CEP112: variants seen among roughly 807,000 people sequenced by gnomAD.
The protein encoded by CEP112 is centrosomal protein of 112 kDa.
CEP112 carries 127 observed loss-of-function variants against 153.0 expected under a neutral mutation model. The observed-to-expected ratio is 0.83, with a 90% CI of 0.72 to 0.96. The LOEUF is 0.96. CEP112 is among the 40% of genes least tolerant of loss of function. The pLI, the probability that CEP112 is intolerant of heterozygous loss-of-function variation, is 0.00. For synonymous variants in CEP112, 358 were observed against 374.4 expected (o/e 0.96, Z 0.51); for missense variants, 1,089 against 1,101.2 (o/e 0.99, Z 0.16).
At chr17:66,148,671 T>C (rs778373773) in intron 4 of CEP112, among the ~76,000 whole-genome samples, 6 of 152,182 alleles carry the variant, frequency 3.9e-5, no homozygotes, top group Admixed American at 6.5e-5. Flanking sequence ...ATTGTTAGCA[T>C]ATAAAAATTT....
At chr17:66,015,052 T>C (rs1205019338) in intron 16 of CEP112, among the ~76,000 whole-genome samples, 1 of 152,208 alleles carries the variant, frequency 6.6e-6, no homozygotes, top group African/African-American at 2.4e-5. Flanking sequence ...TGGAAACAGA[T>C]TTTAATTACA....
chr17:65,971,677 A>G (rs958846061), intron 17 of CEP112, among the ~76,000 whole-genome samples: 22 of 152,226 alleles, frequency 1.4e-4, no homozygotes, highest in African/African-American at 4.3e-4. Context: ...TGTTACATGC[A>G]TATTACATGC....
intron 24 of CEP112, among the ~76,000 whole-genome samples, chr17:65,663,386 A>G (rs1176200226): frequency 6.6e-6 from 1 of 152,220 alleles, no homozygotes; most frequent in East Asian, 1.9e-4. Flanking sequence ...GAGAACTTTC[A>G]GGAGACTTGC....
intron 23 of CEP112, among the ~76,000 whole-genome samples, chr17:65,710,371 T>C (rs1012201234): frequency 6.6e-6 from 1 of 152,230 alleles, no homozygotes; most frequent in Middle Eastern, 3.2e-3. Flanking sequence ...TATTTTCATA[T>C]CTTTTTTTCT....
At chr17:65,994,314 A>G (rs2063705424) in intron 17 of CEP112, among the ~76,000 whole-genome samples, 1 of 152,130 alleles carries the variant, frequency 6.6e-6, no homozygotes, top group African/African-American at 2.4e-5. Flanking sequence ...GGACCTCAAA[A>G]CATCATTTGG....
chr17:65,710,741 C>T (rs972774521), intron 23 of CEP112, among the ~76,000 whole-genome samples: 1 of 152,288 alleles, frequency 6.6e-6, no homozygotes, highest in Middle Eastern at 3.4e-3. Flanking sequence ...CTGGATGTCA[C>T]AGTGGGAGGT....
At chr17:65,713,032 C>T (rs750997397) in intron 23 of CEP112, among the ~76,000 whole-genome samples, 1 of 152,222 alleles carries the variant, frequency 6.6e-6, no homozygotes, top group African/African-American at 2.4e-5. Flanking sequence ...AAGTATAGCA[C>T]ACTGACAACT....
intron 12 of CEP112, among the ~76,000 whole-genome samples, chr17:66,051,412 CTTAA>C: frequency 6.7e-6 from 1 of 148,606 alleles, no homozygotes; most frequent in Non-Finnish European, 1.5e-5. Context: ...ATATTATATA[CTTAA>C]TTTATGTATA....
chr17:66,010,186 G>C (rs2064456872), intron 16 of CEP112, among the ~76,000 whole-genome samples: 1 of 152,064 alleles, frequency 6.6e-6, no homozygotes. Flanking sequence ...TCTCTGGTTA[G>C]GTGTATTCCT....
At chr17:65,645,031 T>TCA (rs2045358886) in intron 24 of CEP112, among the ~76,000 whole-genome samples, 1 of 152,118 alleles carries the variant, frequency 6.6e-6, no homozygotes, top group African/African-American at 2.4e-5. Flanking sequence ...TCCTGAGACA[T>TCA]TGTGTGCCCT....
intron 10 of CEP112, among the ~76,000 whole-genome samples, chr17:66,064,133 T>C (rs2067025717): frequency 6.6e-6 from 1 of 152,222 alleles, no homozygotes; most frequent in South Asian, 2.1e-4. Context: ...ATTATAGTGA[T>C]TTACTTGCCT....
chr17:65,887,548 T>C lies in CEP112; in HGVS notation c.2163+14604A>G, dbSNP rs2059324182. 2.0e-5 allele frequency among the ~76,000 whole-genome samples: 3 copies of C among 152,200 alleles called. 1 individual carries two copies. In the South Asian group the frequency reaches 6.2e-4, roughly 31 times the overall value. Reference sequence around the variant, plus strand: ...CCATGACTGGTCAAACCTGCAAGCATACACCTGTTTGTGTCTGACATCTAA... The same window carrying C: ...CCATGACTGGTCAAACCTGCAAGCACACACCTGTTTGTGTCTGACATCTAA... On this transcript the variant is annotated intron_variant, in intron 20 of 26. Transcript: ENST00000535342.
rs1316934280 is a variant in CEP112, at chr17:65,669,919, A to AG, written c.2697+19209_2697+19210insC. Among the ~76,000 whole-genome samples the AG allele has an allele frequency of 9.9e-5, 15 of 151,452 alleles. No individual in the cohort carries two copies. In the East Asian group the frequency reaches 2.5e-3, roughly 26 times the overall value. ...CTTCGTCTTGAAAAAAAAAAAAAAA[A>AG]AGAGAGAAAAATAGAATTATGCTGG... is the stretch of plus-strand genomic sequence containing the variant. On this transcript the variant is annotated intron_variant, in intron 24 of 26. Transcript: ENST00000535342.
chr17:66,082,843 G>GATATTA (rs952332512), intron 8 of CEP112, among the ~76,000 whole-genome samples: 9 of 150,936 alleles, frequency 6.0e-5, no homozygotes, highest in Non-Finnish European at 7.4e-5. Context: ...AATAAAACTA[G>GATATTA]ATATTAATAT....
At chr17:65,979,187 A>G (rs902260183) in intron 17 of CEP112, among the ~76,000 whole-genome samples, 3 of 151,980 alleles carry the variant, frequency 2.0e-5, no homozygotes, top group Admixed American at 6.6e-5. Flanking sequence ...GCTATTTTTA[A>G]GAAGAAAATT....
At chr17:66,076,398 CTG>C (rs912219557) in intron 8 of CEP112, among the ~76,000 whole-genome samples, 3 of 152,132 alleles carry the variant, frequency 2.0e-5, no homozygotes, top group African/African-American at 7.2e-5. Context: ...GCCCTGAAGA[CTG>C]TGTGGGAGCT....
intron 21 of CEP112, among the ~76,000 whole-genome samples, chr17:65,845,271 A>G (rs576699567): frequency 6.6e-6 from 1 of 152,320 alleles, no homozygotes; most frequent in South Asian, 2.1e-4. Flanking sequence ...GTGAGTCGAG[A>G]TTGTACCATT....
chr17:66,115,226 T>A (rs1217433955), intron 6 of CEP112, among the ~76,000 whole-genome samples: 1 of 151,836 alleles, frequency 6.6e-6, no homozygotes, highest in African/African-American at 2.4e-5. Flanking sequence ...ACCCTGACAA[T>A]ACTAGGTATT....
At chr17:65,737,902 A>G (rs1257894254) in intron 23 of CEP112, among the ~76,000 whole-genome samples, 1 of 152,216 alleles carries the variant, frequency 6.6e-6, no homozygotes, top group Non-Finnish European at 1.5e-5. Flanking sequence ...AGGTGCATTC[A>G]GTCTATGTCT....
Sources: allele counts gnomAD v4.1 joint callset (sites outside exome capture counted in the v4.1 genomes callset), GRCh38; gene constraint gnomAD v4.1.1; transcripts MANE v1.5; gene names NCBI Gene and HGNC (gene_info 2026-07-23, HGNC 2026-07-21).